The following BMPR1A variants were observed in gnomAD, a reference collection of about 807,000 sequenced individuals.
BMPR1A encodes bone morphogenetic protein receptor type-1A.
Under a neutral mutation model 66.0 loss-of-function variants are expected in BMPR1A, and 7 were observed. That is an observed-to-expected ratio of 0.11 (90% CI 0.06 to 0.20). The LOEUF (loss-of-function observed/expected upper bound fraction) is 0.20, where lower values mean the gene tolerates loss of function less well. Among genes scored for constraint, BMPR1A ranks in the 10% least tolerant of loss-of-function variants. The pLI is 1.00. For synonymous variants in BMPR1A, 200 were observed against 229.7 expected (o/e 0.87, Z 1.17); for missense variants, 408 against 669.1 (o/e 0.61, Z 4.31).
intron 2 of BMPR1A, chr10:86,855,684 CAG>C: frequency 1.4e-6 from 1 of 716,050 alleles, no homozygotes; most frequent in South Asian, 1.7e-5. Context: ...CCTAACTGCT[CAG>C]TGACATCCAC....
intron 1 of BMPR1A, among the ~76,000 whole-genome samples, chr10:86,791,010 T>G (rs1283222996): frequency 6.6e-6 from 1 of 152,236 alleles, no homozygotes; most frequent in African/African-American, 2.4e-5. Flanking sequence ...GTTTTCCACT[T>G]CTAACAAAAT....
chr10:86,857,764 A>AG, intron 2 of BMPR1A, among the ~76,000 whole-genome samples: 1 of 151,886 alleles, frequency 6.6e-6, no homozygotes. Context: ...AAAAAAAAAA[A>AG]AAACAAGGAG....
intron 1 of BMPR1A, among the ~76,000 whole-genome samples, chr10:86,800,468 C>T (rs1016453553): frequency 5.3e-5 from 8 of 152,112 alleles, no homozygotes; most frequent in Non-Finnish European, 7.4e-5. Context: ...ATCGGCTCAC[C>T]GCAACCTCCG....
At chr10:86,815,112 T>C in intron 1 of BMPR1A, among the ~76,000 whole-genome samples, 1 of 152,162 alleles carries the variant, frequency 6.6e-6, no homozygotes, top group East Asian at 1.9e-4. Context: ...ATAACTTCTA[T>C]GAGATTTGGA....
intron 3 of BMPR1A, among the ~76,000 whole-genome samples, chr10:86,880,683 T>C (rs1214336180): frequency 2.0e-5 from 3 of 152,210 alleles, no homozygotes; most frequent in Admixed American, 6.5e-5. Flanking sequence ...ACAACCCAGT[T>C]GTAGTATCTG....
chr10:86,768,137 C>T (rs1362425590), intron 1 of BMPR1A, among the ~76,000 whole-genome samples: 5 of 152,126 alleles, frequency 3.3e-5, no homozygotes, highest in African/African-American at 9.7e-5. Context: ...TTTATCAGAC[C>T]TCAATTACTG....
At chr10:86,771,781 A>C (rs975539067) in intron 1 of BMPR1A, among the ~76,000 whole-genome samples, 1 of 152,118 alleles carries the variant, frequency 6.6e-6, no homozygotes, top group Non-Finnish European at 1.5e-5. Flanking sequence ...TGATTGAAGC[A>C]GGGTCTCACG....
chr10:86,883,871 C>CTTTTT (rs111255462), intron 3 of BMPR1A, among the ~76,000 whole-genome samples: 4 of 135,246 alleles, frequency 3.0e-5, no homozygotes, highest in African/African-American at 2.7e-5. Flanking sequence ...GAGCGTATGA[C>CTTTTT]TTTTTTTTTT....
At chr10:86,929,970 T>G (rs1051327248), downstream of BMPR1A, 1 of 152,272 alleles carries the variant, frequency 6.6e-6, no homozygotes, top group Non-Finnish European at 1.5e-5. Context: ...TGACCATTTC[T>G]GACATGTCAT....
At chr10:86,853,837 G>A (rs1160618785) in intron 2 of BMPR1A, among the ~76,000 whole-genome samples, 10 of 152,290 alleles carry the variant, frequency 6.6e-5, no homozygotes, top group Non-Finnish European at 1.2e-4. Flanking sequence ...GAGGCAGGGC[G>A]AGATCACAGG....
At chr10:86,890,479 G>A (rs1318499500) in intron 4 of BMPR1A, among the ~76,000 whole-genome samples, 1 of 151,828 alleles carries the variant, frequency 6.6e-6, no homozygotes, top group Non-Finnish European at 1.5e-5. Context: ...TTTAACATCT[G>A]AGTTTTTAAT....
chr10:86,890,330 A>G, intron 4 of BMPR1A, 106 bp downstream of exon 4: 2 of 1,392,640 alleles, frequency 1.4e-6, no homozygotes, highest in Non-Finnish European at 2.0e-6. Context: ...TCATTCATAT[A>G]TAGTATCTTT....
At position 86,904,066 on chromosome 10, in the gene BMPR1A, G is replaced by A. The variant is rs529069076; in HGVS notation, c.530+3940G>A. On this transcript the variant is annotated intron_variant, in intron 7 of 12. Coordinates refer to ENST00000372037, the MANE Select transcript of BMPR1A (RefSeq NM_004329.3). ...TTACAGGCGTGTACCACCAAGCCTGGCTAATTTTTGTATTTTTAGTAGAGA... is the reference window on the plus strand; with the variant it reads ...TTACAGGCGTGTACCACCAAGCCTGACTAATTTTTGTATTTTTAGTAGAGA... Among the ~76,000 whole-genome samples the A allele has an allele frequency of 5.3e-5, 8 of 152,226 alleles. No homozygotes were observed. In the East Asian group the frequency reaches 1.5e-3, roughly 29 times the overall value.
chr10:86,900,681 A>G (rs545843174), intron 7 of BMPR1A, among the ~76,000 whole-genome samples: 1 of 152,256 alleles, frequency 6.6e-6, no homozygotes, highest in Non-Finnish European at 1.5e-5. Context: ...CAGATTACTG[A>G]GGAAAAGACG....
intron 3 of BMPR1A, among the ~76,000 whole-genome samples, chr10:86,883,478 A>C (rs1337069765): frequency 7.6e-6 from 1 of 132,422 alleles, no homozygotes; most frequent in Non-Finnish European, 1.5e-5. Context: ...TGAACCCGGG[A>C]GGCGGAGCTT....
In BMPR1A at chr10:86,790,310, T is replaced by C. The variant is rs1205102564; in HGVS notation, c.-268+33391T>C. Among the ~76,000 whole-genome samples, 3 of 144,562 alleles carry C rather than the reference T, an allele frequency of 2.1e-5. 1 individual carries two copies. The highest frequency in any genetic ancestry group is 4.5e-5 in the Non-Finnish European group (3 of 66,790). The allele number at this position is 144,562 out of a possible 152,430, so 94.8% of individuals were successfully genotyped here. On this transcript the variant is annotated intron_variant, in intron 1 of 12. Transcript: ENST00000372037. ...CAAAAAGATAGATAATAACAAATGC[T>C]GGTAAGGATATGGAGAAATGGGAAC...
At chr10:86,887,234 C>T (rs536382537) in intron 3 of BMPR1A, among the ~76,000 whole-genome samples, 2 of 152,268 alleles carry the variant, frequency 1.3e-5, no homozygotes, top group Admixed American at 6.5e-5. Flanking sequence ...GGTTTTGATG[C>T]CACATCTTTG....
At chr10:86,787,131 G>A (rs1354037399) in intron 1 of BMPR1A, among the ~76,000 whole-genome samples, 2 of 152,060 alleles carry the variant, frequency 1.3e-5, no homozygotes, top group East Asian at 3.9e-4. Context: ...TCAATTGAGA[G>A]CACACTCTTA....
intron 2 of BMPR1A, among the ~76,000 whole-genome samples, chr10:86,865,334 T>TCCACCACAAAAGA (rs1327561853): frequency 2.0e-5 from 3 of 152,114 alleles, no homozygotes; most frequent in Admixed American, 6.5e-5. Context: ...GTGATGACAT[T>TCCACCACAAAAGA]ACCTTGTGAA....
Sources: gnomAD v4.1 joint callset for allele counts (sites outside exome capture counted in the v4.1 genomes callset) on GRCh38, gnomAD v4.1.1 for gene constraint, MANE v1.5 for transcripts, NCBI Gene and HGNC (gene_info 2026-07-23, HGNC 2026-07-21) for gene names.